EPHB1: variants seen among roughly 807,000 people sequenced by gnomAD.
EPHB1 encodes the protein ephrin type-B receptor 1.
In EPHB1, 30 loss-of-function variants were observed where a neutral mutation model predicts 94.4. The ratio of observed to expected loss-of-function variants is 0.32; its 90% confidence interval spans 0.24 to 0.43. The LOEUF (loss-of-function observed/expected upper bound fraction) is 0.43. Among genes scored for constraint, EPHB1 ranks in the 20% least tolerant of loss-of-function variants. The pLI is 1.00. For missense variants in EPHB1, 1,055 were observed against 1,308.3 expected, an observed-to-expected ratio of 0.81 and a Z score of 2.99; for synonymous variants, 522 against 489.1, an observed-to-expected ratio of 1.07 and a Z score of -0.89.
chr3:134,989,895 G>A (rs1177385372), intron 3 of EPHB1, among the ~76,000 whole-genome samples: 1 of 152,092 alleles, frequency 6.6e-6, no homozygotes, highest in South Asian at 2.1e-4. Context: ...TTAACCCCTT[G>A]CTATGAAAGA....
intron 4 of EPHB1, among the ~76,000 whole-genome samples, chr3:135,113,919 G>A (rs1378865180): frequency 6.6e-6 from 1 of 152,194 alleles, no homozygotes; most frequent in African/African-American, 2.4e-5. Context: ...CAGCCAGAAT[G>A]AGACTTGTGA....
chr3:134,806,096 A>G (rs183436972), intron 1 of EPHB1, among the ~76,000 whole-genome samples: 6 of 152,228 alleles, frequency 3.9e-5, no homozygotes, highest in Non-Finnish European at 7.3e-5. Context: ...AAAACCTGAG[A>G]TCATGTCCTA....
At chr3:135,150,826 C>A (rs1234215795) in intron 5 of EPHB1, among the ~76,000 whole-genome samples, 4 of 152,208 alleles carry the variant, frequency 2.6e-5, no homozygotes, top group Non-Finnish European at 5.9e-5. Flanking sequence ...ATGCACCTAT[C>A]TGGTACTCAG....
chr3:135,062,641 G>T (rs1397476678), intron 3 of EPHB1, among the ~76,000 whole-genome samples: 1 of 152,142 alleles, frequency 6.6e-6, no homozygotes, highest in African/African-American at 2.4e-5. Flanking sequence ...TGGGCTGTCT[G>T]TTTACTCTGC....
chr3:134,868,974 A>G (rs2037441734), intron 1 of EPHB1, among the ~76,000 whole-genome samples: 1 of 152,240 alleles, frequency 6.6e-6, no homozygotes, highest in African/African-American at 2.4e-5. Context: ...GACAAGAGTA[A>G]TTGGATTCAA....
At chr3:135,199,414 T>C (rs1942701676) in intron 11 of EPHB1, among the ~76,000 whole-genome samples, 1 of 152,226 alleles carries the variant, frequency 6.6e-6, no homozygotes, top group Non-Finnish European at 1.5e-5. Context: ...AAGATCTGCA[T>C]CACTCACTGC....
intron 10 of EPHB1, among the ~76,000 whole-genome samples, chr3:135,189,854 C>A (rs954524296): frequency 1.3e-5 from 2 of 152,190 alleles, no homozygotes; most frequent in African/African-American, 4.8e-5. Context: ...CTGATGCCAC[C>A]CAACTCCCAG....
At chr3:135,137,822 A>T (rs1940673994) in intron 5 of EPHB1, among the ~76,000 whole-genome samples, 1 of 152,104 alleles carries the variant, frequency 6.6e-6, no homozygotes, top group South Asian at 2.1e-4. Context: ...TTCTCCCTAG[A>T]CTGTTTCCTT....
intron 3 of EPHB1, among the ~76,000 whole-genome samples, chr3:134,961,482 CT>C (rs1933517565): frequency 6.6e-6 from 1 of 152,160 alleles, no homozygotes; most frequent in Non-Finnish European, 1.5e-5. Flanking sequence ...TGCAATTTAC[CT>C]TTTTTTGTTG....
chr3:135,248,085 G>T (rs1943971599), intron 13 of EPHB1, among the ~76,000 whole-genome samples: 1 of 152,204 alleles, frequency 6.6e-6, no homozygotes, highest in South Asian at 2.1e-4. Context: ...TGCACCAGGA[G>T]CTGGGGACAT....
chr3:135,208,549 G>A (rs2107715364), intron 12 of EPHB1, among the ~76,000 whole-genome samples: 1 of 152,274 alleles, frequency 6.6e-6, no homozygotes, highest in East Asian at 1.9e-4. Flanking sequence ...AGGGAGGCAA[G>A]CCCTAGCAGA....
intron 3 of EPHB1, among the ~76,000 whole-genome samples, chr3:135,050,782 CAT>C (rs1937146700): frequency 6.6e-6 from 1 of 152,138 alleles, no homozygotes; most frequent in Non-Finnish European, 1.5e-5. Context: ...CCTCTCTCGC[CAT>C]ATGACACGCC....
chr3:134,932,401 G>A (rs747965168), intron 2 of EPHB1, among the ~76,000 whole-genome samples: 5 of 152,144 alleles, frequency 3.3e-5, no homozygotes, highest in Non-Finnish European at 7.3e-5. Flanking sequence ...ACTCAGGAGA[G>A]AAACCCACTC....
At chr3:134,986,253 A>C (rs1934590395) in intron 3 of EPHB1, among the ~76,000 whole-genome samples, 1 of 152,140 alleles carries the variant, frequency 6.6e-6, no homozygotes. Flanking sequence ...CAAATTTTTC[A>C]CTTGAGAAAA....
intron 9 of EPHB1, among the ~76,000 whole-genome samples, chr3:135,167,443 AG>A (rs1941681980): frequency 6.6e-6 from 1 of 152,262 alleles, no homozygotes; most frequent in Non-Finnish European, 1.5e-5. Context: ...GGAATTAAAA[AG>A]ATAGCAGAGC....
chr3:135,178,358 C>T (rs142559763), intron 9 of EPHB1, among the ~76,000 whole-genome samples: 15 of 150,018 alleles, frequency 1.0e-4, no homozygotes, highest in East Asian at 2.0e-4. Flanking sequence ...CAGGAGGCTG[C>T]GGCAGAAGAA....
intron 3 of EPHB1, among the ~76,000 whole-genome samples, chr3:134,995,682 T>C (rs574132342): frequency 1.3e-5 from 2 of 151,982 alleles, no homozygotes; most frequent in African/African-American, 4.8e-5. Context: ...CTGGATTACA[T>C]CCATTGCTAG....
intron 1 of EPHB1, among the ~76,000 whole-genome samples, chr3:134,848,435 A>G (rs557955427): frequency 1.3e-5 from 2 of 152,376 alleles, no homozygotes; most frequent in South Asian, 2.1e-4. Flanking sequence ...CACATTGAAC[A>G]AAGATTGCTG....
intron 3 of EPHB1, among the ~76,000 whole-genome samples, chr3:134,991,540 C>T (rs768564177): frequency 6.6e-6 from 1 of 152,152 alleles, no homozygotes; most frequent in Non-Finnish European, 1.5e-5. Context: ...TCTCAGCATG[C>T]TCCTTTCCAG....
Sources: gnomAD v4.1 joint callset for allele counts (sites outside exome capture counted in the v4.1 genomes callset) on GRCh38, gnomAD v4.1.1 for gene constraint, MANE v1.5 for transcripts, NCBI Gene and HGNC (gene_info 2026-07-23, HGNC 2026-07-21) for gene names.